Variants in GMPPB observed in about 807,000 individuals in gnomAD.
GMPPB encodes the protein mannose-1-phosphate guanylyltransferase catalytic subunit beta.
A neutral mutation model predicts 40.3 loss-of-function variants in GMPPB; 38 were observed. That is an observed-to-expected ratio of 0.94 (90% CI 0.73 to 1.24). The LOEUF is 1.24. Ranked by LOEUF, GMPPB falls within the 50% of genes most tolerant of loss-of-function variation. The pLI is 0.00. For synonymous variants in GMPPB, 193 were observed against 191.8 expected (o/e 1.01, Z -0.05); for missense variants, 436 against 487.1 (o/e 0.90, Z 0.99).
At position 49,722,588 on chromosome 3, in the gene GMPPB, C is replaced by T. The variant is rs1414599941; in HGVS notation, c.561+8G>A. On this transcript the variant is annotated splice_region_variant and intron_variant, in intron 5 of 8. Coordinates refer to ENST00000308388, the MANE Select transcript of GMPPB (RefSeq NM_021971.4). ...ACCCCAGCCCACCAACAGCTGTCTC[C>T]TACACACCTGGATGCGCTGCAGCAC... 6.2e-7 allele frequency: 1 copy of T among 1,613,808 alleles called. No individual in the cohort carries two copies. The highest frequency in any genetic ancestry group is 2.2e-5 in the East Asian group (1 of 44,884).
chr3:49,723,273 T>C lies in GMPPB; in HGVS notation c.240A>G (p.Glu80=), dbSNP rs1292996433. The C allele has an allele frequency of 4.3e-6, 7 of 1,614,008 alleles. No individual in the cohort carries two copies. The highest frequency in any genetic ancestry group is 5.9e-6 in the Non-Finnish European group (7 of 1,180,026). The change falls in exon 3 of 9, where the codon GAA becomes GAG. Residue 80 remains glutamate, a synonymous_variant. Transcript: ENST00000308388. ...ACTGACCTGTCCCCAAAGGCTCCTC[T>C]TCATGGGACATGGAGATTCGGATTC... ...RLGIRISMSH[E]EEPLGTAGPL... is the part of the protein sequence containing the mutation.
Position 49,722,478 on chromosome 3 carries a change from G to A in GMPPB, c.594C>T (p.Phe198=), listed in dbSNP as rs148249248. 6 of 1,614,080 alleles carry A rather than the reference G, an allele frequency of 3.7e-6. No homozygotes were observed. The African/African-American group carries it at 8.0e-5, about 22-fold the overall frequency. Residue 198 remains phenylalanine (F), a synonymous_variant, in exon 6 of 9, where the codon TTC becomes TTT. Coordinates refer to ENST00000308388, the MANE Select transcript of GMPPB (RefSeq NM_021971.4). ...GCTGCCCCTCCTTGGCCATAATGGGGAAGACCTCCTTCTCAATGGACGTAG... is the reference window on the plus strand; with the variant it reads ...GCTGCCCCTCCTTGGCCATAATGGGAAAGACCTCCTTCTCAATGGACGTAG... ...LQPTSIEKEV[F]PIMAKEGQLY...
chr3:49,721,274 C>A lies in GMPPB; in HGVS notation c.*478G>T. 1 of 1,614,178 alleles carries A rather than the reference C, an allele frequency of 6.2e-7. No homozygotes were observed. Among genetic ancestry groups the A allele is most frequent in the Non-Finnish European group, 8.5e-7 (1 of 1,180,020 alleles). ...TCTGTAGAGGACTGGGAGAAGGGAG[C>A]CAATACGAGTACTACCTCCTCAGCT... is the stretch of plus-strand genomic sequence containing the variant. On this transcript the variant is annotated 3_prime_UTR_variant, in exon 9 of 9. Transcript: ENST00000308388.
intron 4 of GMPPB, 58 bp downstream of exon 4, chr3:49,722,914 A>G (rs1224858537): frequency 6.3e-7 from 1 of 1,583,598 alleles, no homozygotes; most frequent in Non-Finnish European, 8.6e-7. Context: ...GCTAGGGGGC[A>G]TGGGAGGCTG....
Position 49,722,500 on chromosome 3 carries a change from G to T in GMPPB, c.572C>A (p.Thr191Lys). Residue 191 changes from threonine (T) to lysine (K), a missense_variant, in exon 6 of 9, where the codon ACG becomes AAG. Thr to Lys is a moderately conservative substitution (Grantham distance 78). Coordinates refer to ENST00000308388, the MANE Select transcript of GMPPB (RefSeq NM_021971.4). ...AVLQRIQLQP[T>K]SIEKEVFPIM... ...GGGGAAGACCTCCTTCTCAATGGAC[G>T]TAGGCTGCAGCTGTGGGAGTGGGCA... 6.2e-7 allele frequency: 1 copy of T among 1,614,158 alleles called. No individual in the cohort carries two copies. Among genetic ancestry groups the T allele is most frequent in the Non-Finnish European group, 8.5e-7 (1 of 1,180,008 alleles).
At position 49,721,881 on chromosome 3, in the gene GMPPB, T is replaced by C. The variant is rs747818187; in HGVS notation, c.954A>G (p.Val318=). 16 of 1,613,850 alleles carry C rather than the reference T, an allele frequency of 9.9e-6. No homozygotes were observed. In the Admixed American group the frequency reaches 2.0e-4, roughly 20 times the overall value. The change falls in exon 9 of 9, where the codon GTA becomes GTG. Residue 318 remains valine, a splice_region_variant and synonymous_variant. Coordinates refer to ENST00000308388, the MANE Select transcript of GMPPB (RefSeq NM_021971.4). ...CCAGCACTGTCACGTTCTCCATGCG[T>C]ACCTCCAGGAGAGGATAGGCCTTGT... is the stretch of plus-strand genomic sequence containing the variant. The part of the protein sequence containing the change: ...VGWRCRVGQW[V]RMENVTVLGE...
Position 49,721,425 on chromosome 3 carries a change from G to C in GMPPB, c.*327C>G. 1 of 1,344,790 alleles carries C rather than the reference G, an allele frequency of 7.4e-7. No homozygotes were observed. The highest frequency in any genetic ancestry group is 1.1e-6 in the Non-Finnish European group (1 of 937,006). 83.3% of individuals were successfully genotyped at this position (1,344,790 alleles called of 1,614,324 possible). On this transcript the variant is annotated 3_prime_UTR_variant, in exon 9 of 9. Transcript: ENST00000308388. ...CCACACCACCACATCCAACCTCCTTGCCTGCCTGTATCCTCATTGGTGGGA... is the reference window on the plus strand; with the variant it reads ...CCACACCACCACATCCAACCTCCTTCCCTGCCTGTATCCTCATTGGTGGGA...
chr3:49,723,841 C>G lies in GMPPB; in HGVS notation c.-115G>C, dbSNP rs970244661. Reference sequence around the variant, plus strand: ...CCCGGCCCCGCGCCCTTCACCAACCCGCCTGACAGACTCTGGCTCCACCTC... The same window carrying G: ...CCCGGCCCCGCGCCCTTCACCAACCGGCCTGACAGACTCTGGCTCCACCTC... On this transcript the variant is annotated 5_prime_UTR_variant, in exon 1 of 9. Coordinates refer to ENST00000308388, the MANE Select transcript of GMPPB (RefSeq NM_021971.4). The G allele has an allele frequency of 8.1e-7, 1 of 1,241,278 alleles. No individual in the cohort carries two copies. The highest frequency in any genetic ancestry group is 1.5e-5 in the African/African-American group (1 of 65,532). The allele number at this position is 1,241,278 out of a possible 1,614,324, so 76.9% of individuals were successfully genotyped here.
Position 49,720,792 on chromosome 3 carries a change from C to T in GMPPB, c.*960G>A, listed in dbSNP as rs1363161542. 1.9e-6 allele frequency: 3 copies of T among 1,614,144 alleles called. No homozygotes were observed. The highest frequency in any genetic ancestry group is 8.5e-7 in the Non-Finnish European group (1 of 1,179,970). The stretch of plus-strand genomic sequence containing the variant: ...ACCTCTGACTTGACACTACCTACCA[C>T]TCCCCAGATGCGGATTATATCAGTG... On this transcript the variant is annotated 3_prime_UTR_variant, in exon 9 of 9. Transcript: ENST00000308388.
Position 49,723,924 on chromosome 3 carries a change from C to G in GMPPB, c.-198G>C. 1.9e-6 allele frequency: 1 copy of G among 526,706 alleles called. No individual in the cohort carries two copies. The highest frequency in any genetic ancestry group is 3.2e-6 in the Non-Finnish European group (1 of 312,122). 32.6% of individuals were successfully genotyped at this position (526,706 alleles called of 1,614,324 possible). ...GCCGCCACAACACAGAACGCGACAC[C>G]GGGTAGACGGCTGCTGGCCCCGAAC... On this transcript the variant is annotated 5_prime_UTR_variant, in exon 1 of 9. Transcript: ENST00000308388.
rs1273321585 is a variant in GMPPB, at chr3:49,720,937, G to A, written c.*815C>T. On this transcript the variant is annotated 3_prime_UTR_variant, in exon 9 of 9. Coordinates refer to ENST00000308388, the MANE Select transcript of GMPPB (RefSeq NM_021971.4). ...GCACAGGTCCATGCCACTTGAATAT[G>A]TGTGCACTCCTACACAGGCACAACG... 2 of 1,610,484 alleles carry A rather than the reference G, an allele frequency of 1.2e-6. No homozygotes were observed. Among genetic ancestry groups the A allele is most frequent in the South Asian group, 2.2e-5 (2 of 91,036 alleles).
In GMPPB at chr3:49,721,453, C is replaced by T; in HGVS notation, c.*299G>A. The T allele has an allele frequency of 9.2e-7, 1 of 1,083,924 alleles. No individual in the cohort carries two copies. Among genetic ancestry groups the T allele is most frequent in the Non-Finnish European group, 1.4e-6 (1 of 701,982 alleles). 67.1% of individuals were successfully genotyped at this position (1,083,924 alleles called of 1,614,324 possible). A position where few individuals can be genotyped will look rare whatever the true frequency, so the allele number is the denominator to read the frequency against. ...TGCCTGTATCCTCATTGGTGGGAGC[C>T]CAGCCATGGCCCTAATTGTGCCTGA... is the stretch of plus-strand genomic sequence containing the variant. On this transcript the variant is annotated 3_prime_UTR_variant, in exon 9 of 9. Transcript: ENST00000308388.
rs1329228513 is a variant in GMPPB, at chr3:49,721,726, G to A, written c.*26C>T. ...CTCCCCTTGCTGATGGGAAAACCGGGGCTCGGCCAGCCCCACTGCATCCCC... is the reference window on the plus strand; with the variant it reads ...CTCCCCTTGCTGATGGGAAAACCGGAGCTCGGCCAGCCCCACTGCATCCCC... On this transcript the variant is annotated 3_prime_UTR_variant, in exon 9 of 9. Transcript: ENST00000308388. The A allele has an allele frequency of 6.4e-7, 1 of 1,573,530 alleles. No homozygotes were observed. The highest frequency in any genetic ancestry group is 8.6e-7 in the Non-Finnish European group (1 of 1,164,262).
rs764450464 is a variant in GMPPB at position 49,722,981 on chromosome 3, G to A, written c.393C>T (p.Gly131=). 1 of 1,613,360 alleles carries A rather than the reference G, an allele frequency of 6.2e-7. No homozygotes were observed. Among genetic ancestry groups the A allele is most frequent in the Admixed American group, 1.7e-5 (1 of 60,020 alleles). The change falls in exon 4 of 9, where the codon GGC becomes GGT. Residue 131 remains glycine, a synonymous_variant. Transcript: ENST00000308388. ...AGACCTGGCGCCTTACCAGGATGGA[G>A]CCCTCCTGGCCATGGTGCCGGTGGA... ...VQFHRHHGQE[G]SILVTKVEEP...
Position 49,723,715 on chromosome 3 carries a change from C to T in GMPPB, c.12G>A (p.Leu4=), listed in dbSNP as rs754917786. 1 of 1,589,970 alleles carries T rather than the reference C, an allele frequency of 6.3e-7. No individual in the cohort carries two copies. Among genetic ancestry groups the T allele is most frequent in the East Asian group, 2.2e-5 (1 of 44,810 alleles). The change falls in exon 1 of 9, where the codon CTG becomes CTA. Residue 4 remains leucine, a synonymous_variant. Transcript: ENST00000308388. The stretch of plus-strand genomic sequence containing the variant: ...GCGTCCCATAGCCCCCCACTAAGAT[C>T]AGTGCCTTCATCGCGCCTGCGGACG... MKA[L]ILVGGYGTRL... is the part of the protein sequence containing the mutation.
Position 49,723,816 on chromosome 3 carries a change from C to A in GMPPB, c.-90G>T. 7.1e-7 allele frequency: 1 copy of A among 1,411,132 alleles called. No homozygotes were observed. Among genetic ancestry groups the A allele is most frequent in the Non-Finnish European group, 9.3e-7 (1 of 1,073,664 alleles). The allele number at this position is 1,411,132 out of a possible 1,614,324, so 87.4% of individuals were successfully genotyped here. On this transcript the variant is annotated 5_prime_UTR_variant, in exon 1 of 9. Transcript: ENST00000308388. ...CCTGCCGCGCACTCCCAACGCCGTG[C>A]CCGGCCCCGCGCCCTTCACCAACCC... is the stretch of plus-strand genomic sequence containing the variant.
rs764199854 is a variant in GMPPB, at chr3:49,720,562, C to T, written c.*1190G>A. On this transcript the variant is annotated 3_prime_UTR_variant, in exon 9 of 9. Transcript: ENST00000308388. ...TGGCAGATCCCTGCTTCCAGCTACG[C>T]TCAATATGCTATCTCCTGGGACAGC... 4 of 1,611,654 alleles carry T rather than the reference C, an allele frequency of 2.5e-6. No individual in the cohort carries two copies. Among genetic ancestry groups the T allele is most frequent in the Non-Finnish European group, 3.4e-6 (4 of 1,178,610 alleles).
rs772340064 is a variant in GMPPB at position 49,721,136 on chromosome 3, A to G, written c.*616T>C. The G allele has an allele frequency of 8.7e-6, 14 of 1,613,844 alleles. No individual in the cohort carries two copies. The highest frequency in any genetic ancestry group is 1.6e-4 in the Middle Eastern group (1 of 6,080). ...TGGGCCCCACAGCTTGGTGGTGGGG[A>G]GAGCAGTAGGTACATGCAGGGCAGT... On this transcript the variant is annotated 3_prime_UTR_variant, in exon 9 of 9. Transcript: ENST00000308388.
Position 49,723,464 on chromosome 3 carries a change from C to T in GMPPB, c.138G>A (p.Val46=). The T allele has an allele frequency of 1.2e-6, 2 of 1,613,834 alleles. No homozygotes were observed. The highest frequency in any genetic ancestry group is 1.7e-6 in the Non-Finnish European group (2 of 1,180,046). Residue 46 remains valine (V), a synonymous_variant, in exon 2 of 9, where the codon GTG becomes GTA. Coordinates refer to ENST00000308388, the MANE Select transcript of GMPPB (RefSeq NM_021971.4). ...AGCTCACGGCCAGGATCACGTGGTCCACGCCTGCCTGTCAGAACGCAGGCC... is the reference window on the plus strand; with the variant it reads ...AGCTCACGGCCAGGATCACGTGGTCTACGCCTGCCTGTCAGAACGCAGGCC... ...HQVEALAAAG[V]DHVILAVSYM... is the part of the protein sequence containing the mutation.
Sources: gnomAD v4.1 joint callset for allele counts on GRCh38, gnomAD v4.1.1 for gene constraint, MANE v1.5 for transcripts, NCBI Gene and HGNC (gene_info 2026-07-23, HGNC 2026-07-21) for gene names.